PRDM16: variants seen among roughly 807,000 people sequenced by gnomAD.
PRDM16 encodes histone-lysine N-methyltransferase PRDM16.
PRDM16 carries 23 observed loss-of-function variants against 110.6 expected under a neutral mutation model. The observed-to-expected ratio is 0.21, with a 90% CI of 0.15 to 0.29. The LOEUF (loss-of-function observed/expected upper bound fraction) is 0.29. PRDM16 is among the 10% of genes least tolerant of loss of function. The pLI, the probability that PRDM16 is intolerant of heterozygous loss-of-function variation, is 1.00. For synonymous variants in PRDM16, 799 were observed against 781.8 expected, an observed-to-expected ratio of 1.02 and a Z score of -0.37; for missense variants, 1,615 against 1,794.3, an observed-to-expected ratio of 0.90 and a Z score of 1.81.
intron 8 of PRDM16, among the ~76,000 whole-genome samples, chr1:3,406,049 C>A (rs570792348): frequency 1.3e-5 from 2 of 152,228 alleles, no homozygotes; most frequent in African/African-American, 4.8e-5. Context: ...CTGCCCTGCA[C>A]GTGACAGTCT....
intron 1 of PRDM16, among the ~76,000 whole-genome samples, chr1:3,087,101 T>C (rs928280850): frequency 6.6e-6 from 1 of 152,230 alleles, no homozygotes; most frequent in South Asian, 2.1e-4. Flanking sequence ...TGGGAGCACC[T>C]GTTCCTTTGG....
Position 3,195,333 on chromosome 1 carries a change from G to A in PRDM16, c.387+8859G>A, listed in dbSNP as rs1382375155. On this transcript the variant is annotated intron_variant, in intron 2 of 16. Transcript: ENST00000270722. ...GAAATCCTGCACTATCTTCGGCCCGGCTCGGAGGCACGGGTATATAAGGAA... is the reference window on the plus strand; with the variant it reads ...GAAATCCTGCACTATCTTCGGCCCGACTCGGAGGCACGGGTATATAAGGAA... Among the ~76,000 whole-genome samples, 4 of 152,236 alleles carry A rather than the reference G, an allele frequency of 2.6e-5. No homozygotes were observed. In the East Asian group the frequency reaches 7.7e-4, roughly 29 times the overall value.
At chr1:3,236,611 T>C (rs1639546584) in intron 2 of PRDM16, among the ~76,000 whole-genome samples, 1 of 152,096 alleles carries the variant, frequency 6.6e-6, no homozygotes, top group Non-Finnish European at 1.5e-5. Flanking sequence ...TCTACACCTG[T>C]GTATCTTCAG....
rs1638783131 is a variant in PRDM16, at chr1:3,432,043, G to A, written c.3599G>A (p.Arg1200Lys). 6 of 1,614,190 alleles carry A rather than the reference G, an allele frequency of 3.7e-6. No homozygotes were observed. Among genetic ancestry groups the A allele is most frequent in the Non-Finnish European group, 5.1e-6 (6 of 1,180,034 alleles). ...TTTGGGAAGGGGCTGGACCTCCGCA[G>A]AGCAGCTGAGGAAGCATTTGAAGTT... is the stretch of plus-strand genomic sequence containing the variant. ...PTFGKGLDLR[R>K]AAEEAFEVKD... The change falls in exon 16 of 17, where the codon AGA becomes AAA. Residue 1200 changes from arginine to lysine, a missense_variant. Physicochemically the swap from Arg to Lys is conservative, Grantham distance 26 (BLOSUM62 2). This residue lies in a region of PRDM16 where 327 missense variants were observed against 359.3 expected (regional missense o/e 0.91). Coordinates refer to ENST00000270722, the MANE Select transcript of PRDM16 (RefSeq NM_022114.4).
At chr1:3,082,732 T>C (rs772773186) in intron 1 of PRDM16, among the ~76,000 whole-genome samples, 8 of 151,966 alleles carry the variant, frequency 5.3e-5, no homozygotes, top group Non-Finnish European at 8.8e-5. Flanking sequence ...AGAGGTGGGG[T>C]GCGCTTCATC....
intron 1 of PRDM16, among the ~76,000 whole-genome samples, chr1:3,109,166 C>T (rs962329171): frequency 6.6e-6 from 1 of 151,858 alleles, no homozygotes; most frequent in African/African-American, 2.4e-5. Context: ...CATGCAGCAC[C>T]CTAAAAAGGC....
chr1:3,377,577 G>A (rs1360449384), intron 3 of PRDM16, among the ~76,000 whole-genome samples: 1 of 152,208 alleles, frequency 6.6e-6, no homozygotes, highest in African/African-American at 2.4e-5. Context: ...CCGGGGAGTG[G>A]GAGACAGTGG....
intron 3 of PRDM16, among the ~76,000 whole-genome samples, chr1:3,347,619 G>T (rs1642388999): frequency 6.6e-6 from 1 of 152,226 alleles, no homozygotes; most frequent in Non-Finnish European, 1.5e-5. Flanking sequence ...GAGTAGCTTG[G>T]GAGTCCATGA....
At chr1:3,083,182 T>C (rs1049633195) in intron 1 of PRDM16, among the ~76,000 whole-genome samples, 5 of 152,102 alleles carry the variant, frequency 3.3e-5, no homozygotes, top group African/African-American at 1.2e-4. Context: ...AGATTAAACG[T>C]CTCGTCCGAG....
Position 3,434,093 on chromosome 1 carries a change from G to T in PRDM16, c.*282G>T. 2.5e-6 allele frequency: 1 copy of T among 399,988 alleles called. No individual in the cohort carries two copies. Among genetic ancestry groups the T allele is most frequent in the Non-Finnish European group, 4.5e-6 (1 of 222,012 alleles). 24.8% of individuals were successfully genotyped at this position (399,988 alleles called of 1,614,324 possible). A position where few individuals can be genotyped will look rare whatever the true frequency, so the allele number is the denominator to read the frequency against. Reference sequence around the variant, plus strand: ...AGACAGCCAACGGAGCTGCCTCGCAGAATCAGCCAGTGGGCAGGTGGACGC... The same window carrying T: ...AGACAGCCAACGGAGCTGCCTCGCATAATCAGCCAGTGGGCAGGTGGACGC... On this transcript the variant is annotated 3_prime_UTR_variant, in exon 17 of 17. Transcript: ENST00000270722.
At position 3,255,961 on chromosome 1, in the gene PRDM16, G is replaced by C. The variant is rs1303515893; in HGVS notation, c.438+11824G>C. Among the ~76,000 whole-genome samples the C allele has an allele frequency of 1.4e-5, 2 of 146,460 alleles. No homozygotes were observed. Reference sequence around the variant, plus strand: ...CCACACCAACAGTACAGGGTGGAACGAGCTCCGCCTCTCAGGGGAGGGACA... The same window carrying C: ...CCACACCAACAGTACAGGGTGGAACCAGCTCCGCCTCTCAGGGGAGGGACA... On this transcript the variant is annotated intron_variant, in intron 3 of 16. Coordinates refer to ENST00000270722, the MANE Select transcript of PRDM16 (RefSeq NM_022114.4). The surrounding 1 kb of genome is among the most constrained non-coding windows in gnomAD (Gnocchi z 4.7).
At chr1:3,181,294 GCA>G (rs201285991) in intron 1 of PRDM16, among the ~76,000 whole-genome samples, 7 of 66,044 alleles carry the variant, frequency 1.1e-4, no homozygotes, top group East Asian at 3.8e-4. Context: ...TCTTACACAC[GCA>G]GTCTTACACA....
intron 1 of PRDM16, among the ~76,000 whole-genome samples, chr1:3,134,266 T>TCC (rs1179792316): frequency 5.3e-5 from 8 of 152,094 alleles, no homozygotes; most frequent in African/African-American, 1.7e-4. Flanking sequence ...GCCATTCAGC[T>TCC]GGGGGACGGA....
At chr1:3,277,787 G>GCACACACAAA (rs1640624472) in intron 3 of PRDM16, among the ~76,000 whole-genome samples, 1 of 114,004 alleles carries the variant, frequency 8.8e-6, no homozygotes, top group Non-Finnish European at 1.6e-5. Flanking sequence ...GCACACATAT[G>GCACACACAAA]CACACACAAA....
intron 3 of PRDM16, among the ~76,000 whole-genome samples, chr1:3,269,793 A>G (rs796270118): frequency 0.011 from 1,118 of 101,340 alleles, 108 homozygotes; most frequent in African/African-American, 0.031. Context: ...GGAAAGTCTC[A>G]GAGGAGGACA....
In PRDM16 at chr1:3,337,119, G is replaced by C. The variant is rs541551476; in HGVS notation, c.439-48033G>C. 2.6e-3 allele frequency among the ~76,000 whole-genome samples: 393 copies of C among 150,958 alleles called. 9 individuals are homozygous for C. In the East Asian group the frequency reaches 0.047, roughly 18 times the overall value. On this transcript the variant is annotated intron_variant, in intron 3 of 16. Transcript: ENST00000270722. ...CACATGAGTGTTGGTGTGAGCCTCT[G>C]TGTGAATGCATGCATGCACATATGT...
At chr1:3,120,205 A>C (rs1557462197) in intron 1 of PRDM16, among the ~76,000 whole-genome samples, 1 of 152,254 alleles carries the variant, frequency 6.6e-6, no homozygotes, top group Non-Finnish European at 1.5e-5. Flanking sequence ...GCGATGGATT[A>C]AATCTGTGGG....
intron 3 of PRDM16, among the ~76,000 whole-genome samples, chr1:3,303,733 C>G (rs58607429): frequency 0.12 from 18,088 of 152,178 alleles, 3,574 homozygotes; most frequent in African/African-American, 0.41. Context: ...GCCTGTCTTT[C>G]GGACCGCAGC....
chr1:3,112,488 G>A (rs1005081952), intron 1 of PRDM16, among the ~76,000 whole-genome samples: 4 of 152,232 alleles, frequency 2.6e-5, no homozygotes, highest in African/African-American at 9.6e-5. Flanking sequence ...CAGTTTGCAC[G>A]GGAAGGCTCT....
Sources: allele counts gnomAD v4.1 joint callset (sites outside exome capture counted in the v4.1 genomes callset), GRCh38; gene constraint gnomAD v4.1.1; regional missense constraint gnomAD v4.1.1; non-coding constraint Gnocchi (gnomAD v3.1); transcripts MANE v1.5; gene names NCBI Gene and HGNC (gene_info 2026-07-23, HGNC 2026-07-21).